Variants in BSN observed in about 807,000 individuals in gnomAD.
The protein encoded by BSN is bassoon presynaptic cytomatrix protein.
In BSN, 57 loss-of-function variants were observed where a neutral mutation model predicts 264.8. The ratio of observed to expected loss-of-function variants is 0.22; its 90% CI spans 0.17 to 0.27. The LOEUF is 0.27. BSN is among the 10% of genes least tolerant of loss of function. The probability of loss-of-function intolerance (pLI) is 1.00; values close to 1 mark genes in which losing one functional copy is unlikely to be tolerated. For synonymous variants in BSN, 2,059 were observed against 2,137.3 expected (o/e 0.96, Z 1.01); for missense variants, 4,615 against 5,232.5 (o/e 0.88, Z 3.64).
chr3:49,658,648 T>C (rs1290572894), intron 5 of BSN, among the ~76,000 whole-genome samples: 2 of 152,216 alleles, frequency 1.3e-5, no homozygotes, highest in Admixed American at 1.3e-4. Flanking sequence ...CTGGTTTCCA[T>C]TGCCACACAG....
At chr3:49,576,017 C>G (rs554274589) in intron 1 of BSN, among the ~76,000 whole-genome samples, 1 of 152,196 alleles carries the variant, frequency 6.6e-6, no homozygotes, top group South Asian at 2.1e-4. Context: ...GATACTTCTC[C>G]CCACCCTCCC....
chr3:49,652,293 G>A lies in BSN; in HGVS notation c.2737G>A (p.Gly913Ser). ...TGYEELLPEG[G>S]SAEATDGSGT... ...CTATGAGGAGCTGCTCCCTGAGGGA[G>A]GCTCAGCAGAGGCTACCGATGGCAG... The change falls in exon 5 of 12, where the codon GGC becomes AGC. Residue 913 changes from glycine to serine, a missense_variant. Gly to Ser is a moderately conservative substitution (Grantham distance 56). Around this residue, in one of 3 missense-constraint regions of BSN, gnomAD observed 1,197 missense variants for 1,348.0 expected, o/e 0.89. Transcript: ENST00000296452. The A allele has an allele frequency of 6.3e-7, 1 of 1,596,522 alleles. No homozygotes were observed. Among genetic ancestry groups the A allele is most frequent in the Non-Finnish European group, 8.5e-7 (1 of 1,170,482 alleles).
rs2052721758 is a variant in BSN at position 49,667,694 on chromosome 3, G to C, written c.*209G>C. On this transcript the variant is annotated 3_prime_UTR_variant, in exon 12 of 12. Transcript: ENST00000296452. ...GTTTTCTCACAGCAGCTGCCTGGGT[G>C]AAGCATCTGCTGGACAAGTCGGACC... The C allele has an allele frequency of 6.5e-6, 1 of 152,696 alleles. No homozygotes were observed. Among genetic ancestry groups the C allele is most frequent in the African/African-American group, 2.4e-5 (1 of 41,454 alleles). The allele number at this position is 152,696 out of a possible 1,614,324, so 9.5% of individuals were successfully genotyped here. A position where few individuals can be genotyped will look rare whatever the true frequency, so the allele number is the denominator to read the frequency against.
chr3:49,645,850 T>C (rs2052500625), intron 3 of BSN, among the ~76,000 whole-genome samples: 1 of 152,362 alleles, frequency 6.6e-6, no homozygotes, highest in South Asian at 2.1e-4. Context: ...CAGCAGGTCC[T>C]TCTCCAGGTC....
chr3:49,609,051 G>A (rs1280868460), intron 1 of BSN, among the ~76,000 whole-genome samples: 1 of 151,396 alleles, frequency 6.6e-6, no homozygotes, highest in African/African-American at 2.4e-5. Context: ...GCCCATAGAC[G>A]GCAGGATGCT....
At chr3:49,672,783 T>TC (rs1309017212), downstream of BSN, among the ~76,000 whole-genome samples, 1 of 114,220 alleles carries the variant, frequency 8.8e-6, no homozygotes, top group Non-Finnish European at 1.8e-5. Context: ...GCCTGGCACT[T>TC]TTTTTTTTTT....
At chr3:49,560,936 G>A (rs972963844) in intron 1 of BSN, among the ~76,000 whole-genome samples, 6 of 152,196 alleles carry the variant, frequency 3.9e-5, no homozygotes, top group African/African-American at 7.2e-5. Context: ...TGTGGAATGG[G>A]ATACTCCCTG....
intron 2 of BSN, among the ~76,000 whole-genome samples, chr3:49,629,291 G>A (rs1190955388): frequency 6.6e-6 from 1 of 152,216 alleles, no homozygotes; most frequent in East Asian, 1.9e-4. Flanking sequence ...GTTCTTCAGT[G>A]ACTTACATGT....
At position 49,660,633 on chromosome 3, in the gene BSN, C is replaced by T. The variant is rs762720314; in HGVS notation, c.8788C>T (p.Pro2930Ser). 3 of 1,613,058 alleles carry T rather than the reference C, an allele frequency of 1.9e-6. No homozygotes were observed. Among genetic ancestry groups the T allele is most frequent in the Non-Finnish European group, 2.5e-6 (3 of 1,179,924 alleles). ...ASLLQRGLTG[P>S]TTVPATKASL... is the part of the protein sequence containing the mutation. Reference sequence around the variant, plus strand: ...CCTGCTGCAGCGAGGGCTGACGGGGCCCACCACTGTCCCTGCTACCAAGGC... The same window carrying T: ...CCTGCTGCAGCGAGGGCTGACGGGGTCCACCACTGTCCCTGCTACCAAGGC... Residue 2930 changes from proline to serine, a missense_variant, in exon 6 of 12, where the codon CCC (proline) becomes TCC (serine). Coordinates refer to ENST00000296452, the MANE Select transcript of BSN (RefSeq NM_003458.4). The surrounding 1 kb of genome is among the most constrained non-coding windows in gnomAD (Gnocchi z 7.1).
Position 49,661,342 on chromosome 3 carries a change from G to A in BSN, c.9497G>A (p.Ser3166Asn), listed in dbSNP as rs1386939700. The part of the protein sequence containing the change: ...KVPTNYEVIA[S>N]PVVPMSSAPS... ...CCCACCAACTATGAGGTGATCGCCA[G>A]CCCCGTTGTGCCCATGTCTTCAGCC... Residue 3166 changes from serine to asparagine, a missense_variant, in exon 6 of 12, where the codon AGC becomes AAC. Physicochemically the swap from Ser to Asn is conservative, Grantham distance 46 (BLOSUM62 1). Coordinates refer to ENST00000296452, the MANE Select transcript of BSN (RefSeq NM_003458.4). The A allele has an allele frequency of 6.2e-7, 1 of 1,613,988 alleles. No homozygotes were observed. Among genetic ancestry groups the A allele is most frequent in the Non-Finnish European group, 8.5e-7 (1 of 1,180,044 alleles).
intron 1 of BSN, among the ~76,000 whole-genome samples, chr3:49,605,617 A>AT (rs1343804043): frequency 1.1e-4 from 1 of 9,226 alleles, no homozygotes; most frequent in Non-Finnish European, 2.0e-4. Context: ...TATATTATAT[A>AT]TAAATATAAT....
At chr3:49,645,038 T>C (rs1385169453) in intron 3 of BSN, among the ~76,000 whole-genome samples, 1 of 152,158 alleles carries the variant, frequency 6.6e-6, no homozygotes, top group Non-Finnish European at 1.5e-5. Context: ...TGATGGCCGG[T>C]GTTCCCCCCA....
rs774778213 is a variant in BSN, at chr3:49,662,499, G to A, written c.10654G>A (p.Ala3552Thr). The change falls in exon 6 of 12, where the codon GCA (alanine) becomes ACA (threonine). Residue 3552 changes from alanine (A) to threonine (T), a missense_variant. Ala to Thr is a moderately conservative substitution (Grantham distance 58). Around this residue, in one of 3 missense-constraint regions of BSN, gnomAD observed 3,415 missense variants for 3,866.4 expected, o/e 0.88. Coordinates refer to ENST00000296452, the MANE Select transcript of BSN (RefSeq NM_003458.4). ...EHVKDGPRAH[A>T]YKREEGYILD... ...TGTCAAGGACGGACCTCGGGCCCAC[G>A]CATATAAGCGTGAGGAGGGCTACAT... 8 of 1,612,846 alleles carry A rather than the reference G, an allele frequency of 5.0e-6. No homozygotes were observed. The South Asian group carries it at 5.5e-5, about 11-fold the overall frequency.
chr3:49,597,204 T>A (rs2108029294), intron 1 of BSN, among the ~76,000 whole-genome samples: 1 of 152,344 alleles, frequency 6.6e-6, no homozygotes. Flanking sequence ...TTTTCTTTAT[T>A]CTTTTTTCTC....
chr3:49,669,100 C>T lies in BSN; in HGVS notation c.*1615C>T, dbSNP rs779132119. 6.6e-6 allele frequency: 1 copy of T among 152,480 alleles called. No individual in the cohort carries two copies. The highest frequency in any genetic ancestry group is 1.5e-5 in the Non-Finnish European group (1 of 68,026). The allele number at this position is 152,480 out of a possible 1,614,324, so 9.4% of individuals were successfully genotyped here. A position where few individuals can be genotyped will look rare whatever the true frequency, so the allele number is the denominator to read the frequency against. On this transcript the variant is annotated 3_prime_UTR_variant, in exon 12 of 12. Coordinates refer to ENST00000296452, the MANE Select transcript of BSN (RefSeq NM_003458.4). ...GCAGTGGAGCATGCACAGCTCGCAGCCTCTTTGCACGATTTCATCCATTTT... is the reference window on the plus strand; with the variant it reads ...GCAGTGGAGCATGCACAGCTCGCAGTCTCTTTGCACGATTTCATCCATTTT...
intron 1 of BSN, among the ~76,000 whole-genome samples, chr3:49,612,139 A>ATTTT (rs10623266): frequency 1.4e-4 from 21 of 148,442 alleles, no homozygotes; most frequent in South Asian, 4.2e-4. Flanking sequence ...ACAAAGAATG[A>ATTTT]TTTTTTTTTT....
chr3:49,591,573 A>G (rs1242698447), intron 1 of BSN, among the ~76,000 whole-genome samples: 1 of 151,854 alleles, frequency 6.6e-6, no homozygotes, highest in African/African-American at 2.4e-5. Flanking sequence ...TTTAAAACTA[A>G]TCTATTTCTT....
At chr3:49,591,504 C>T (rs1398707332) in intron 1 of BSN, among the ~76,000 whole-genome samples, 1 of 152,204 alleles carries the variant, frequency 6.6e-6, no homozygotes, top group African/African-American at 2.4e-5. Flanking sequence ...AGGCAATCTG[C>T]CACCAACAAT....
chr3:49,662,197 G>A lies in BSN; in HGVS notation c.10352G>A (p.Gly3451Glu), dbSNP rs746198388. ...SRSRAPSAYS[G>E]EKLSSHDFSG... ...TCCCGGGCACCTTCTGCATACAGTG[G>A]GGAGAAGCTGTCCAGCCACGACTTC... Residue 3451 changes from glycine (G) to glutamate (E), a missense_variant, in exon 6 of 12, where the codon GGG becomes GAG. Coordinates refer to ENST00000296452, the MANE Select transcript of BSN (RefSeq NM_003458.4). 1 of 1,613,124 alleles carries A rather than the reference G, an allele frequency of 6.2e-7. No homozygotes were observed. Among genetic ancestry groups the A allele is most frequent in the Non-Finnish European group, 8.5e-7 (1 of 1,179,904 alleles).
Sources: gnomAD v4.1 joint callset for allele counts (sites outside exome capture counted in the v4.1 genomes callset) on GRCh38, gnomAD v4.1.1 for gene constraint, gnomAD v4.1.1 regional missense constraint, Gnocchi (gnomAD v3.1) non-coding constraint, MANE v1.5 for transcripts, NCBI Gene and HGNC (gene_info 2026-07-23, HGNC 2026-07-21) for gene names.